Variants in PGS1 observed in about 807,000 individuals in gnomAD.
The protein encoded by PGS1 is phosphatidylglycerophosphate synthase 1.
Under a neutral mutation model 58.3 loss-of-function variants are expected in PGS1, and 44 were observed. That is an observed-to-expected ratio of 0.75 (90% CI 0.59 to 0.97). PGS1 has a LOEUF of 0.97. Among genes scored for constraint, PGS1 ranks in the 50% least tolerant of loss-of-function variants. PGS1 has a pLI of 0.00. For missense variants in PGS1, 684 were observed against 731.1 expected, an observed-to-expected ratio of 0.94 and a Z score of 0.74; for synonymous variants, 330 against 311.0, an observed-to-expected ratio of 1.06 and a Z score of -0.64.
chr17:78,392,770 G>A, intron 2 of PGS1, 105 bp downstream of exon 2: 2 of 849,714 alleles, frequency 2.4e-6, no homozygotes, highest in Non-Finnish European at 3.7e-6. Flanking sequence ...AGCTGCTCAA[G>A]CTTATTCCTT....
intron 6 of PGS1, 125 bp from the exon 7 acceptor site, chr17:78,403,443 G>A (rs772330176): frequency 1.6e-5 from 17 of 1,050,710 alleles, no homozygotes; most frequent in Non-Finnish European, 2.2e-5. Flanking sequence ...CCCACTCAGC[G>A]AGTGTTCAGT....
In PGS1 at chr17:78,403,915, C is replaced by T. The variant is rs1289653691; in HGVS notation, c.1228C>T (p.Leu410=). 5 of 1,614,060 alleles carry T rather than the reference C, an allele frequency of 3.1e-6. No individual in the cohort carries two copies. The highest frequency in any genetic ancestry group is 2.2e-5 in the East Asian group (1 of 44,906). ...CACTCGGGCTGAGTACCAGATCCTGCTGGCCTCACCAGAGGTGAATGGCTT... is the reference window on the plus strand; with the variant it reads ...CACTCGGGCTGAGTACCAGATCCTGTTGGCCTCACCAGAGGTGAATGGCTT... ...LGTRAEYQIL[L]ASPEVNGFFG... The change falls in exon 7 of 10, where the codon CTG becomes TTG. Residue 410 remains leucine (L), a synonymous_variant. Coordinates refer to ENST00000262764, the MANE Select transcript of PGS1 (RefSeq NM_024419.5).
rs536133647 is a variant in PGS1 at position 78,415,047 on chromosome 17, A to G, written c.1551+20A>G. On this transcript the variant is annotated intron_variant, in intron 8 of 9. Coordinates refer to ENST00000262764, the MANE Select transcript of PGS1 (RefSeq NM_024419.5). ...CACCAGGTTGGTCGCAGCAAGTGGG[A>G]TTTCCCAGGGCGCTGAGGGTGTGGC... 3 of 1,603,416 alleles carry G rather than the reference A, an allele frequency of 1.9e-6. No individual in the cohort carries two copies. The highest frequency in any genetic ancestry group is 2.5e-6 in the Non-Finnish European group (3 of 1,177,146).
chr17:78,415,250 G>T (rs944837429), intron 8 of PGS1, among the ~76,000 whole-genome samples: 17 of 152,302 alleles, frequency 1.1e-4, no homozygotes, highest in African/African-American at 3.6e-4. Flanking sequence ...CCACGTCCTG[G>T]GGACTTTTTC....
chr17:78,400,945 G>C lies in PGS1; in HGVS notation c.880+90G>C. 6.1e-6 allele frequency: 7 copies of C among 1,146,484 alleles called. No homozygotes were observed. Among genetic ancestry groups the C allele is most frequent in the Non-Finnish European group, 8.5e-6 (7 of 824,126 alleles). 71.0% of individuals were successfully genotyped at this position (1,146,484 alleles called of 1,614,324 possible). A position where few individuals can be genotyped will look rare whatever the true frequency, so the allele number is the denominator to read the frequency against. On this transcript the variant is annotated intron_variant, in intron 6 of 9. Transcript: ENST00000262764. This position sits in a 1 kb window ranked among gnomAD's most constrained non-coding sequence, Gnocchi z 4.4. ...ACAACTCTAGGTGGTTCTGCCACAG[G>C]CATAGGGGACTTGGGTGGCAAGGCT...
chr17:78,413,183 G>A (rs1207773454), intron 7 of PGS1, among the ~76,000 whole-genome samples: 3 of 152,198 alleles, frequency 2.0e-5, no homozygotes, highest in Admixed American at 2.0e-4. Context: ...GGGTGGAGAC[G>A]AGCCCATTAC....
chr17:78,397,944 A>T, intron 3 of PGS1: 1 of 464,896 alleles, frequency 2.2e-6, no homozygotes, highest in Non-Finnish European at 4.1e-6. Context: ...GTTGAAATGT[A>T]CGTGAGACCT....
chr17:78,419,442 AGGGTTTTC>A, intron 8 of PGS1, 96 bp from the exon 9 acceptor site: 1 of 981,294 alleles, frequency 1.0e-6, no homozygotes, highest in South Asian at 1.3e-5. Context: ...ATGGGAAGTC[AGGGTTTTC>A]TGGGCTGGCC....
At chr17:78,405,932 G>T (rs1234389347) in intron 7 of PGS1, among the ~76,000 whole-genome samples, 3 of 152,234 alleles carry the variant, frequency 2.0e-5, no homozygotes, top group Admixed American at 2.0e-4. Context: ...GTGTTGTTGA[G>T]ACTCGAGGCA....
Position 78,403,676 on chromosome 17 carries a change from CT to C in PGS1, c.990del (p.Leu331PhefsTer2). On this transcript the variant is annotated frameshift_variant, in exon 7 of 10. Transcript: ENST00000262764. LOFTEE classifies it high-confidence loss of function. ...MLHAQTFHSN[S>X]LLTQEDAAAA... Reference sequence around the variant, plus strand: ...CATGCCCAGACCTTCCACAGCAACTCTCTTTTGACCCAGGAAGATGCAGCAG... The same window carrying C: ...CATGCCCAGACCTTCCACAGCAACTCCTTTTGACCCAGGAAGATGCAGCAG... 6.2e-7 allele frequency: 1 copy of C among 1,614,252 alleles called. No homozygotes were observed. The highest frequency in any genetic ancestry group is 8.5e-7 in the Non-Finnish European group (1 of 1,180,042).
chr17:78,392,472 C>G lies in PGS1; in HGVS notation c.144-4C>G. On this transcript the variant is annotated splice_polypyrimidine_tract_variant and splice_region_variant and intron_variant, in intron 1 of 9. Coordinates refer to ENST00000262764, the MANE Select transcript of PGS1 (RefSeq NM_024419.5). The stretch of plus-strand genomic sequence containing the variant: ...GTGACCCAGTTGCATATTTCTTTAA[C>G]CAGGTCACCATGGCTGTTATTGGCT... 6.2e-7 allele frequency: 1 copy of G among 1,604,608 alleles called. No individual in the cohort carries two copies. Among genetic ancestry groups the G allele is most frequent in the Non-Finnish European group, 8.5e-7 (1 of 1,175,592 alleles).
Position 78,378,780 on chromosome 17 carries a change from G to C in PGS1, c.115G>C (p.Gly39Arg), listed in dbSNP as rs1402657437. 4 of 1,485,716 alleles carry C rather than the reference G, an allele frequency of 2.7e-6. No homozygotes were observed. The highest frequency in any genetic ancestry group is 2.2e-4 in the Middle Eastern group (1 of 4,538). 92.0% of individuals were successfully genotyped at this position (1,485,716 alleles called of 1,614,324 possible). The change falls in exon 1 of 10, where the codon GGC becomes CGC. Residue 39 changes from glycine to arginine, a missense_variant. Physicochemically the swap from Gly to Arg is moderately radical, Grantham distance 125. Coordinates refer to ENST00000262764, the MANE Select transcript of PGS1 (RefSeq NM_024419.5). ...CCTGGGACGCCTGTCCGACCGCCTC[G>C]GCAGGAACCGGGACCGCCAGCGCAG... is the stretch of plus-strand genomic sequence containing the variant. ...ALLGRLSDRL[G>R]RNRDRQRRRS... is the part of the protein sequence containing the mutation.
At chr17:78,423,915 T>C in intron 9 of PGS1, 146 bp from the exon 10 acceptor site, 2 of 1,613,962 alleles carry the variant, frequency 1.2e-6, no homozygotes, top group Non-Finnish European at 1.7e-6. Flanking sequence ...GCTAAACCTG[T>C]AGGAGCAGCG....
chr17:78,403,597 A>C lies in PGS1; in HGVS notation c.910A>C (p.Asn304His). The part of the protein sequence containing the change: ...GDRAEYCKAA[N>H]KRVMDVINSA... ...CCGGGCCGAGTACTGCAAGGCAGCC[A>C]ATAAGAGGGTCATGGATGTGATCAA... Residue 304 changes from asparagine (N) to histidine (H), a missense_variant, in exon 7 of 10, where the codon AAT (asparagine) becomes CAT (histidine). By Grantham distance (68) the Asn-to-His change is moderately conservative. Coordinates refer to ENST00000262764, the MANE Select transcript of PGS1 (RefSeq NM_024419.5). 1 of 1,613,230 alleles carries C rather than the reference A, an allele frequency of 6.2e-7. No individual in the cohort carries two copies. Among genetic ancestry groups the C allele is most frequent in the Non-Finnish European group, 8.5e-7 (1 of 1,179,270 alleles).
chr17:78,391,239 TGCG>T (rs2082803210), intron 1 of PGS1, among the ~76,000 whole-genome samples: 1 of 151,534 alleles, frequency 6.6e-6, no homozygotes, highest in Non-Finnish European at 1.5e-5. Flanking sequence ...TGAGCCACCG[TGCG>T]CGGCCACGGC....
chr17:78,396,210 G>C, intron 2 of PGS1, 98 bp from the exon 3 acceptor site: 1 of 848,518 alleles, frequency 1.2e-6, no homozygotes, highest in Non-Finnish European at 2.0e-6. Flanking sequence ...GGATAGTTCA[G>C]CTTGGAGTGG....
Position 78,396,350 on chromosome 17 carries a change from C to T in PGS1, c.376C>T (p.Leu126Phe). Residue 126 changes from leucine to phenylalanine, a missense_variant, in exon 3 of 10, where the codon CTC becomes TTC. Coordinates refer to ENST00000262764, the MANE Select transcript of PGS1 (RefSeq NM_024419.5). ...VAKRRVVMASLYLGTGPLEQE... is the reference protein window; with the variant it reads ...VAKRRVVMASFYLGTGPLEQE... ...CAAGAGGCGGGTCGTGATGGCATCCCTCTACCTGGGGACAGGTCCTTTGGA... is the reference window on the plus strand; with the variant it reads ...CAAGAGGCGGGTCGTGATGGCATCCTTCTACCTGGGGACAGGTCCTTTGGA... 1 of 1,613,634 alleles carries T rather than the reference C, an allele frequency of 6.2e-7. No homozygotes were observed. Among genetic ancestry groups the T allele is most frequent in the Non-Finnish European group, 8.5e-7 (1 of 1,179,732 alleles).
chr17:78,409,505 G>A (rs2084442966), intron 7 of PGS1, among the ~76,000 whole-genome samples: 1 of 152,228 alleles, frequency 6.6e-6, no homozygotes, highest in Admixed American at 6.5e-5. Flanking sequence ...GTTTGCCTAG[G>A]CCACACGTGA....
rs1288667223 is a variant in PGS1 at position 78,399,634 on chromosome 17, G to A, written c.701+97G>A. 8 of 1,238,760 alleles carry A rather than the reference G, an allele frequency of 6.5e-6. No homozygotes were observed. The South Asian group carries it at 1.1e-4, about 17-fold the overall frequency. 76.7% of individuals were successfully genotyped at this position (1,238,760 alleles called of 1,614,324 possible). A position where few individuals can be genotyped will look rare whatever the true frequency, so the allele number is the denominator to read the frequency against. On this transcript the variant is annotated intron_variant, in intron 5 of 9. Coordinates refer to ENST00000262764, the MANE Select transcript of PGS1 (RefSeq NM_024419.5). ...TGGGAAACCCGTTCCCCTCAGTCTT[G>A]GAGAACCTGCTTGTAGGTCTGGCTG...
Sources: allele counts gnomAD v4.1 joint callset (sites outside exome capture counted in the v4.1 genomes callset), GRCh38; gene constraint gnomAD v4.1.1; non-coding constraint Gnocchi (gnomAD v3.1); transcripts MANE v1.5; gene names NCBI Gene and HGNC (gene_info 2026-07-23, HGNC 2026-07-21).